The following FSTL5 variants were observed in gnomAD, a reference collection of about 807,000 sequenced individuals.
FSTL5 encodes the protein follistatin like 5, also known as follistatin-related protein 5.
FSTL5 carries 62 observed loss-of-function variants against 89.1 expected under a neutral mutation model. The ratio of observed to expected loss-of-function variants is 0.70; its 90% confidence interval spans 0.57 to 0.86. The LOEUF is 0.86. Ranked by LOEUF, FSTL5 falls within the 40% of genes least tolerant of loss-of-function variation. The pLI, the probability that FSTL5 is intolerant of heterozygous loss-of-function variation, is 0.00. For synonymous variants in FSTL5, 383 were observed against 346.2 expected, an observed-to-expected ratio of 1.11 and a Z score of -1.18; for missense variants, 1,057 against 1,001.6, an observed-to-expected ratio of 1.06 and a Z score of -0.75.
Position 162,026,304 on chromosome 4 carries a change from C to CTTTTTTTTTTTTTTTTTTTTTTTTTT in FSTL5, c.160+7320_160+7321insAAAAAAAAAAAAAAAAAAAAAAAAAA, listed in dbSNP as rs397996028. ...TTTCAGGAGACAGCTTATGTATTTTCTTTTTTTTTTTTTTTCTTTTTGAGA... is the reference window on the plus strand; with the variant it reads ...TTTCAGGAGACAGCTTATGTATTTTCTTTTTTTTTTTTTTTTTTTTTTTTTTTTTTTTTTTTTTTTTCTTTTTGAGA... On this transcript the variant is annotated intron_variant, in intron 3 of 15. Transcript: ENST00000306100. Among the ~76,000 whole-genome samples, 79 of 79,478 alleles carry CTTTTTTTTTTTTTTTTTTTTTTTTTT rather than the reference C, an allele frequency of 9.9e-4. 17 individuals carry two copies. Among genetic ancestry groups the CTTTTTTTTTTTTTTTTTTTTTTTTTT allele is most frequent in the Middle Eastern group, 0.015 (1 of 68 alleles). The allele number at this position is 79,478 out of a possible 152,430, so 52.1% of individuals were successfully genotyped here. A position where few individuals can be genotyped will look rare whatever the true frequency, so the allele number is the denominator to read the frequency against.
intron 4 of FSTL5, among the ~76,000 whole-genome samples, chr4:161,867,003 G>C (rs1412764305): frequency 6.6e-6 from 1 of 151,962 alleles, no homozygotes; most frequent in East Asian, 1.9e-4. Flanking sequence ...CTAGTAAAAT[G>C]ACTTCTCTTT....
At chr4:161,620,655 T>G (rs560894789) in intron 7 of FSTL5, among the ~76,000 whole-genome samples, 1 of 151,868 alleles carries the variant, frequency 6.6e-6, no homozygotes, top group Admixed American at 6.6e-5. Context: ...AAACTCCATC[T>G]CAAAAACAAA....
rs1554003956 is a variant in FSTL5 at position 162,153,661 on chromosome 4, AATATATGTATATT to A, written c.-17+9941_-17+9953del. Among the ~76,000 whole-genome samples, 328 of 79,108 alleles carry A rather than the reference AATATATGTATATT, an allele frequency of 4.1e-3. 8 individuals are homozygous for A. Among genetic ancestry groups the A allele is most frequent in the African/African-American group, 0.012 (278 of 23,388 alleles). The allele number at this position is 79,108 out of a possible 152,430, so 51.9% of individuals were successfully genotyped here. On this transcript the variant is annotated intron_variant, in intron 1 of 15. Coordinates refer to ENST00000306100, the MANE Select transcript of FSTL5 (RefSeq NM_020116.5). ...ATATATGTATATTATATATGTATAT[AATATATGTATATT>A]ATATATGTATATAATAATATATATG...
chr4:162,046,421 T>C (rs1191291533), intron 2 of FSTL5, among the ~76,000 whole-genome samples: 1 of 152,148 alleles, frequency 6.6e-6, no homozygotes, highest in East Asian at 1.9e-4. Flanking sequence ...AAAAGAGCAT[T>C]AAGCTGCACA....
chr4:162,000,985 G>T (rs1289055655), intron 3 of FSTL5, among the ~76,000 whole-genome samples: 1 of 152,144 alleles, frequency 6.6e-6, no homozygotes, highest in Non-Finnish European at 1.5e-5. Context: ...ATCTAATTAT[G>T]TATATGAAAT....
At chr4:161,848,020 G>A (rs1003850851) in intron 4 of FSTL5, among the ~76,000 whole-genome samples, 1 of 99,606 alleles carries the variant, frequency 1.0e-5, no homozygotes, top group African/African-American at 3.8e-5. Flanking sequence ...TGGGTGACAA[G>A]AGCAAGACTC....
chr4:161,443,940 T>C (rs1732861573), intron 15 of FSTL5, among the ~76,000 whole-genome samples: 2 of 151,910 alleles, frequency 1.3e-5, no homozygotes, highest in Non-Finnish European at 2.9e-5. Context: ...TTGGACATGA[T>C]CTATAAGCAA....
intron 15 of FSTL5, among the ~76,000 whole-genome samples, chr4:161,425,968 A>G (rs1009721328): frequency 2.0e-5 from 3 of 151,950 alleles, no homozygotes; most frequent in South Asian, 2.1e-4. Flanking sequence ...TGGCACATAG[A>G]AAAAAAGGAC....
chr4:161,531,214 C>A (rs912406444), intron 10 of FSTL5, among the ~76,000 whole-genome samples: 7 of 152,154 alleles, frequency 4.6e-5, no homozygotes, highest in Non-Finnish European at 8.8e-5. Flanking sequence ...CACTGTAAAT[C>A]AAAGTTTCCC....
chr4:161,588,638 G>A (rs1733701962), intron 7 of FSTL5, among the ~76,000 whole-genome samples: 1 of 152,028 alleles, frequency 6.6e-6, no homozygotes, highest in Non-Finnish European at 1.5e-5. Context: ...CAGAATTCTG[G>A]AAATAGAGAA....
intron 2 of FSTL5, among the ~76,000 whole-genome samples, chr4:162,091,867 AGG>A (rs200084761): frequency 6.7e-6 from 1 of 148,322 alleles, no homozygotes; most frequent in Non-Finnish European, 1.5e-5. Context: ...ATATTTATAT[AGG>A]GAGAGAAATT....
At chr4:161,796,720 A>G (rs905504493) in intron 4 of FSTL5, among the ~76,000 whole-genome samples, 9 of 151,576 alleles carry the variant, frequency 5.9e-5, no homozygotes, top group Non-Finnish European at 1.3e-4. Context: ...ACTTTAATGC[A>G]TACCTTGAAT....
At chr4:161,404,688 C>T (rs1356721095) in intron 15 of FSTL5, among the ~76,000 whole-genome samples, 4 of 150,556 alleles carry the variant, frequency 2.7e-5, no homozygotes, top group African/African-American at 4.9e-5. Context: ...TTTTCAAAAG[C>T]CTTTGAGAAA....
chr4:161,866,976 A>C (rs574356539), intron 4 of FSTL5, among the ~76,000 whole-genome samples: 1 of 152,148 alleles, frequency 6.6e-6, no homozygotes, highest in East Asian at 1.9e-4. Context: ...ACAGCATCAA[A>C]TGTAATTTGT....
chr4:161,656,351 T>C lies in FSTL5; in HGVS notation c.871A>G (p.Asn291Asp), dbSNP rs140183530. Residue 291 changes from asparagine (N) to aspartate (D), a missense_variant, in exon 7 of 16, where the codon AAT (asparagine) becomes GAT (aspartate). By Grantham distance (23) the Asn-to-Asp change is conservative. This residue lies in a region of FSTL5 where 980 missense variants were observed against 903.2 expected (regional missense o/e 1.08). Coordinates refer to ENST00000306100, the MANE Select transcript of FSTL5 (RefSeq NM_020116.5). ...ACATTGATGTCTTCCAAATCTAAAT[T>C]ATTTAGAATAATATTGTTCCTTTTC... ...IWKRNNIILN[N>D]LDLEDINDFG... The C allele has an allele frequency of 6.3e-7, 1 of 1,585,404 alleles. No individual in the cohort carries two copies. Among genetic ancestry groups the C allele is most frequent in the Non-Finnish European group, 8.6e-7 (1 of 1,160,614 alleles).
intron 5 of FSTL5, among the ~76,000 whole-genome samples, chr4:161,771,194 T>C (rs916591036): frequency 6.6e-6 from 1 of 152,088 alleles, no homozygotes; most frequent in African/African-American, 2.4e-5. Context: ...TTACAAAATA[T>C]TTATCAATCA....
intron 12 of FSTL5, among the ~76,000 whole-genome samples, chr4:161,482,442 A>G (rs1252438964): frequency 1.3e-5 from 2 of 152,280 alleles, no homozygotes; most frequent in East Asian, 3.9e-4. Flanking sequence ...ATTTATTTGT[A>G]TACTCCAGTT....
chr4:161,683,695 T>C (rs185834732), intron 6 of FSTL5, among the ~76,000 whole-genome samples: 13 of 152,318 alleles, frequency 8.5e-5, no homozygotes, highest in African/African-American at 2.9e-4. Flanking sequence ...GCATATAATA[T>C]AAAACTTACA....
At chr4:161,479,078 T>C (rs72683722) in intron 13 of FSTL5, among the ~76,000 whole-genome samples, 50,950 of 151,808 alleles carry the variant, frequency 0.34, 8,904 homozygotes, top group East Asian at 0.41. Context: ...TATAATAACA[T>C]GGTCATAAGG....
Sources: gnomAD v4.1 joint callset for allele counts (sites outside exome capture counted in the v4.1 genomes callset) on GRCh38, gnomAD v4.1.1 for gene constraint, gnomAD v4.1.1 regional missense constraint, MANE v1.5 for transcripts, NCBI Gene and HGNC (gene_info 2026-07-23, HGNC 2026-07-21) for gene names.